MARCHF1: variants seen among roughly 807,000 people sequenced by gnomAD.
MARCHF1 encodes E3 ubiquitin-protein ligase MARCHF1.
MARCHF1 carries 40 observed loss-of-function variants against 54.2 expected under a neutral mutation model. The ratio of observed to expected loss-of-function variants is 0.74; its 90% CI spans 0.57 to 0.96. The LOEUF (loss-of-function observed/expected upper bound fraction) is 0.96, where lower values mean the gene tolerates loss of function less well. Ranked by LOEUF, MARCHF1 falls within the 40% of genes least tolerant of loss-of-function variation. The probability of loss-of-function intolerance (pLI) is 0.00; values close to 1 mark genes in which losing one functional copy is unlikely to be tolerated. For synonymous variants in MARCHF1, 236 were observed against 236.3 expected, an observed-to-expected ratio of 1.00 and a Z score of 0.01; for missense variants, 586 against 656.5, an observed-to-expected ratio of 0.89 and a Z score of 1.17.
intron 2 of MARCHF1, among the ~76,000 whole-genome samples, chr4:163,997,925 T>TACACACACAC (rs5863648): frequency 4.8e-4 from 71 of 148,316 alleles, no homozygotes; most frequent in African/African-American, 1.7e-3. Flanking sequence ...TTGCCTTAAA[T>TACACACACAC]ACACACACAC....
At position 164,011,486 on chromosome 4, in the gene MARCHF1, CAT is replaced by C. The variant is rs1223064021; in HGVS notation, c.-247-22779_-247-22778del. Among the ~76,000 whole-genome samples the C allele has an allele frequency of 3.9e-5, 6 of 152,098 alleles. No homozygotes were observed. The East Asian group carries it at 9.6e-4, about 24-fold the overall frequency. On this transcript the variant is annotated intron_variant, in intron 2 of 9. Transcript: ENST00000514618. ...TGAACACACATTTCTGCAAAAGAAA[CAT>C]ATACATGGCCAATAGGTATATTTAA...
intron 3 of MARCHF1, among the ~76,000 whole-genome samples, chr4:163,942,907 T>A (rs568926876): frequency 3.9e-5 from 6 of 151,966 alleles, no homozygotes; most frequent in Non-Finnish European, 8.8e-5. Flanking sequence ...TGTGAAACTG[T>A]ACTTATTTGA....
intron 1 of MARCHF1, among the ~76,000 whole-genome samples, chr4:164,362,138 A>G (rs1730739280): frequency 6.6e-6 from 1 of 152,160 alleles, no homozygotes; most frequent in South Asian, 2.1e-4. Context: ...AGATGTAGTA[A>G]GTGAACAAAT....
At chr4:163,876,095 A>G (rs928429233) in intron 3 of MARCHF1, among the ~76,000 whole-genome samples, 3 of 152,168 alleles carry the variant, frequency 2.0e-5, no homozygotes, top group Non-Finnish European at 4.4e-5. Context: ...CAGAAATTAT[A>G]TCATGACAAA....
chr4:163,612,662 T>A lies in MARCHF1; in HGVS notation c.619A>T (p.Ile207Phe), dbSNP rs1184366724. 26 of 1,535,484 alleles carry A rather than the reference T, an allele frequency of 1.7e-5. No individual in the cohort carries two copies. The highest frequency in any genetic ancestry group is 2.3e-5 in the Non-Finnish European group (26 of 1,146,540). ...TTGGATCCCAGATCAACGAGCTCAA[T>A]TCCGTTAGGAGTGGAAGACCCAGCT... Reference protein sequence around the residue: ...NLAGSSTPNGIELVDLGSKGK... With the variant: ...NLAGSSTPNGFELVDLGSKGK... The change falls in exon 7 of 10, where the codon ATT becomes TTT. Residue 207 changes from isoleucine (I) to phenylalanine (F), a missense_variant. Ile to Phe is a conservative substitution (Grantham distance 21). This residue lies in a region of MARCHF1 where 387 missense variants were observed against 394.6 expected (regional missense o/e 0.98). Coordinates refer to ENST00000514618, the MANE Select transcript of MARCHF1 (RefSeq NM_001394959.1).
chr4:163,839,463 CCAAATCAACTGCTGGA>C (rs1749278461), intron 4 of MARCHF1, among the ~76,000 whole-genome samples: 2 of 151,898 alleles, frequency 1.3e-5, no homozygotes, highest in South Asian at 4.1e-4. Flanking sequence ...TGAAAACAAC[CCAAATCAACTGCTGGA>C]CAAATAATAA....
chr4:163,883,806 A>G (rs1373070221), intron 3 of MARCHF1, among the ~76,000 whole-genome samples: 1 of 152,220 alleles, frequency 6.6e-6, no homozygotes, highest in Non-Finnish European at 1.5e-5. Flanking sequence ...ATCACTGATG[A>G]TAAATATTCA....
chr4:163,812,341 A>G (rs1246730259), intron 4 of MARCHF1, among the ~76,000 whole-genome samples: 3 of 151,846 alleles, frequency 2.0e-5, no homozygotes, highest in Non-Finnish European at 4.4e-5. Context: ...ACATGTATAC[A>G]TATACACGTA....
chr4:164,073,763 T>C (rs1292232226), intron 2 of MARCHF1, among the ~76,000 whole-genome samples: 2 of 152,132 alleles, frequency 1.3e-5, no homozygotes, highest in Admixed American at 1.3e-4. Flanking sequence ...ATATGATGAA[T>C]ACCCTATTTT....
chr4:163,802,413 G>A (rs559545402), intron 4 of MARCHF1, among the ~76,000 whole-genome samples: 4 of 152,132 alleles, frequency 2.6e-5, no homozygotes, highest in African/African-American at 4.8e-5. Flanking sequence ...TCAAAAGCCT[G>A]TAATTTACTT....
At chr4:163,805,987 C>T (rs1349895347) in intron 4 of MARCHF1, among the ~76,000 whole-genome samples, 1 of 152,156 alleles carries the variant, frequency 6.6e-6, no homozygotes, top group African/African-American at 2.4e-5. Context: ...TCCACTATCT[C>T]AGGGAAGATA....
At chr4:163,824,318 C>A (rs1018952638) in intron 4 of MARCHF1, among the ~76,000 whole-genome samples, 2 of 151,726 alleles carry the variant, frequency 1.3e-5, no homozygotes, top group Middle Eastern at 3.4e-3. Flanking sequence ...CAGAACAGAG[C>A]CCTCAGAAAT....
chr4:164,278,782 G>A (rs1733948852), intron 1 of MARCHF1, among the ~76,000 whole-genome samples: 1 of 152,138 alleles, frequency 6.6e-6, no homozygotes, highest in South Asian at 2.1e-4. Context: ...GAAGAGGGGA[G>A]CGGTTAAAAC....
chr4:164,284,947 T>C (rs1734107848), intron 1 of MARCHF1, among the ~76,000 whole-genome samples: 1 of 149,624 alleles, frequency 6.7e-6, no homozygotes, highest in Non-Finnish European at 1.5e-5. Flanking sequence ...GCCTTTATAA[T>C]GGCTGATTTT....
At chr4:163,635,314 T>G (rs1742273070) in intron 5 of MARCHF1, among the ~76,000 whole-genome samples, 1 of 147,752 alleles carries the variant, frequency 6.8e-6, no homozygotes, top group African/African-American at 2.5e-5. Context: ...CAGGAGCTGG[T>G]TTTTTGAAAG....
At chr4:164,199,681 C>CACAGAGAGAGAGAG (rs1462208986) in intron 1 of MARCHF1, among the ~76,000 whole-genome samples, 139 of 47,632 alleles carry the variant, frequency 2.9e-3, no homozygotes, top group African/African-American at 7.6e-3. Flanking sequence ...CACACACACA[C>CACAGAGAGAGAGAG]AGAGAGAGAG....
At chr4:163,906,845 T>A (rs1040392517) in intron 3 of MARCHF1, among the ~76,000 whole-genome samples, 7 of 151,394 alleles carry the variant, frequency 4.6e-5, no homozygotes, top group African/African-American at 1.7e-4. Context: ...CCCCCCCACA[T>A]AATAACCACC....
At chr4:164,138,912 C>T (rs1218365284) in intron 1 of MARCHF1, among the ~76,000 whole-genome samples, 1 of 152,186 alleles carries the variant, frequency 6.6e-6, no homozygotes, top group Non-Finnish European at 1.5e-5. Flanking sequence ...GTTGGTAAGG[C>T]ATGGACACAG....
chr4:164,259,584 A>G lies in MARCHF1; in HGVS notation c.-323+124286T>C, dbSNP rs1359888127. On this transcript the variant is annotated intron_variant, in intron 1 of 9. Transcript: ENST00000514618. ...AAAAAAAGAAAAAAGAAAAAGAAAA[A>G]AGAAAAAAAAAAGAAAAGAAGAAGT... 4.2e-5 allele frequency among the ~76,000 whole-genome samples: 6 copies of G among 141,788 alleles called. No individual in the cohort carries two copies. The South Asian group carries it at 1.3e-3, about 30-fold the overall frequency. 93.0% of individuals were successfully genotyped at this position (141,788 alleles called of 152,430 possible). A position where few individuals can be genotyped will look rare whatever the true frequency, so the allele number is the denominator to read the frequency against.
Sources: allele counts gnomAD v4.1 joint callset (sites outside exome capture counted in the v4.1 genomes callset), GRCh38; gene constraint gnomAD v4.1.1; regional missense constraint gnomAD v4.1.1; transcripts MANE v1.5; gene names NCBI Gene and HGNC (gene_info 2026-07-23, HGNC 2026-07-21).